THSD7A: variants seen among roughly 807,000 people sequenced by gnomAD.
The protein encoded by THSD7A is thrombospondin type-1 domain-containing protein 7A.
In THSD7A, 96 loss-of-function variants were observed where a neutral mutation model predicts 231.3. The observed-to-expected ratio is 0.41, with a 90% CI of 0.35 to 0.49. THSD7A has a LOEUF of 0.49. THSD7A is among the 20% of genes least tolerant of loss of function. The pLI, the probability that THSD7A is intolerant of heterozygous loss-of-function variation, is 0.05. For missense variants in THSD7A, 2,290 were observed against 2,070.2 expected, an observed-to-expected ratio of 1.11 and a Z score of -2.06; for synonymous variants, 940 against 743.3, an observed-to-expected ratio of 1.26 and a Z score of -4.30.
chr7:11,641,525 T>C (rs935157653), intron 1 of THSD7A, among the ~76,000 whole-genome samples: 2 of 152,114 alleles, frequency 1.3e-5, no homozygotes, highest in African/African-American at 4.8e-5. Flanking sequence ...CCAATTCCCA[T>C]TTCAATAATA....
chr7:11,680,853 G>A (rs1317668030), intron 1 of THSD7A, among the ~76,000 whole-genome samples: 1 of 151,860 alleles, frequency 6.6e-6, no homozygotes, highest in African/African-American at 2.4e-5. Context: ...ATCACCGAGT[G>A]TATACCTAAA....
intron 1 of THSD7A, among the ~76,000 whole-genome samples, chr7:11,669,989 GTGTT>G (rs1387327682): frequency 6.6e-6 from 1 of 151,970 alleles, no homozygotes; most frequent in Non-Finnish European, 1.5e-5. Context: ...GTGTGTGTGT[GTGTT>G]TATGTGCAAG....
At chr7:11,646,444 T>C (rs1256874135) in intron 1 of THSD7A, among the ~76,000 whole-genome samples, 1 of 152,070 alleles carries the variant, frequency 6.6e-6, no homozygotes, top group Non-Finnish European at 1.5e-5. Context: ...AGAGAATGGA[T>C]TGAAGGTAGC....
intron 6 of THSD7A, among the ~76,000 whole-genome samples, chr7:11,538,264 C>CT (rs144939671): frequency 1.3e-5 from 2 of 152,004 alleles, no homozygotes; most frequent in Non-Finnish European, 1.5e-5. Context: ...ACATAACTGA[C>CT]TTTTTTTTCG....
intron 13 of THSD7A, among the ~76,000 whole-genome samples, chr7:11,431,173 GTGT>G (rs1784466849): frequency 6.6e-6 from 1 of 152,098 alleles, no homozygotes; most frequent in African/African-American, 2.4e-5. Context: ...TAAAATTTTG[GTGT>G]TGTTTGAAGA....
At chr7:11,462,284 C>G (rs1338225927) in intron 9 of THSD7A, 141 bp from the exon 10 acceptor site, 1 of 796,968 alleles carries the variant, frequency 1.3e-6, no homozygotes, top group Non-Finnish European at 1.8e-6. Flanking sequence ...TCTAAACATT[C>G]ACTAAATTCT....
rs796971566 is a variant in THSD7A at position 11,647,465 on chromosome 7, C to T, written c.191-10504G>A. ...TCCAATCATGCAATCTGTTATTTTT[C>T]GACTTAAGCCTCTAATAGGCAATAC... On this transcript the variant is annotated intron_variant, in intron 1 of 27. Coordinates refer to ENST00000423059, the MANE Select transcript of THSD7A (RefSeq NM_015204.3). Among the ~76,000 whole-genome samples the T allele has an allele frequency of 4.7e-4, 72 of 152,086 alleles. 1 individual carries two copies. Among genetic ancestry groups the T allele is most frequent in the Admixed American group, 3.3e-3 (51 of 15,252 alleles).
chr7:11,743,137 T>C (rs2128161492), intron 1 of THSD7A, among the ~76,000 whole-genome samples: 1 of 152,056 alleles, frequency 6.6e-6, no homozygotes, highest in Middle Eastern at 3.4e-3. Context: ...TTACCTATTC[T>C]TTCTCATTAA....
chr7:11,758,801 T>C (rs1446003182), intron 1 of THSD7A, among the ~76,000 whole-genome samples: 1 of 152,088 alleles, frequency 6.6e-6, no homozygotes, highest in Non-Finnish European at 1.5e-5. Context: ...GTAAATATTT[T>C]AGGCTCTGTG....
rs183176614 is a variant in THSD7A, at chr7:11,663,898, C to T, written c.191-26937G>A. Among the ~76,000 whole-genome samples, 455 of 151,388 alleles carry T rather than the reference C, an allele frequency of 3.0e-3. 5 individuals are homozygous for T. Among genetic ancestry groups the T allele is most frequent in the Non-Finnish European group, 3.3e-3 (221 of 67,588 alleles). ...AAAGTGCTAATGGTAAATTTTTTGG[C>T]CTTGTAAGATACTGGATTTTAATTT... On this transcript the variant is annotated intron_variant, in intron 1 of 27. Coordinates refer to ENST00000423059, the MANE Select transcript of THSD7A (RefSeq NM_015204.3).
At chr7:11,559,415 G>A (rs1445530212) in intron 4 of THSD7A, among the ~76,000 whole-genome samples, 1 of 151,998 alleles carries the variant, frequency 6.6e-6, no homozygotes, top group Admixed American at 6.6e-5. Flanking sequence ...GGTTATAAGA[G>A]TAAAATATTC....
rs1783778668 is a variant in THSD7A, at chr7:11,411,332, A to G, written c.3683-10T>C. On this transcript the variant is annotated splice_polypyrimidine_tract_variant and intron_variant, in intron 18 of 27. Coordinates refer to ENST00000423059, the MANE Select transcript of THSD7A (RefSeq NM_015204.3). This position sits in a 1 kb window ranked among gnomAD's most constrained non-coding sequence, Gnocchi z 4.1. ...TGACATGTACTCCAGTCTGAAAAAAAGGGAAGCCCATCAGAACAGAAGGCT... is the reference window on the plus strand; with the variant it reads ...TGACATGTACTCCAGTCTGAAAAAAGGGGAAGCCCATCAGAACAGAAGGCT... The G allele has an allele frequency of 6.3e-7, 1 of 1,587,118 alleles. No homozygotes were observed.
At chr7:11,534,563 T>G (rs1788837229) in intron 6 of THSD7A, among the ~76,000 whole-genome samples, 1 of 152,154 alleles carries the variant, frequency 6.6e-6, no homozygotes, top group South Asian at 2.1e-4. Flanking sequence ...AGAGCTCAGG[T>G]GAAACCTTAG....
At chr7:11,469,814 A>G in intron 9 of THSD7A, 65 bp downstream of exon 9, 2 of 1,084,884 alleles carry the variant, frequency 1.8e-6, no homozygotes, top group Admixed American at 2.0e-5. Flanking sequence ...CTAGGCCAGA[A>G]GACCTCAGAA....
chr7:11,494,201 T>A (rs1787008752), intron 6 of THSD7A, among the ~76,000 whole-genome samples: 1 of 152,020 alleles, frequency 6.6e-6, no homozygotes, highest in Non-Finnish European at 1.5e-5. Flanking sequence ...CATATTGAGT[T>A]TTAAAAACAA....
intron 1 of THSD7A, among the ~76,000 whole-genome samples, chr7:11,666,860 A>G (rs1783155679): frequency 6.6e-6 from 1 of 152,044 alleles, no homozygotes; most frequent in South Asian, 2.1e-4. Context: ...AAGCATTTGA[A>G]ATTTTATTAC....
At chr7:11,533,694 A>C (rs1788797707) in intron 6 of THSD7A, among the ~76,000 whole-genome samples, 1 of 152,170 alleles carries the variant, frequency 6.6e-6, no homozygotes, top group Admixed American at 6.5e-5. Context: ...GAACAATGAG[A>C]ACACAGGGAC....
chr7:11,401,139 G>T (rs1471749478), intron 23 of THSD7A, among the ~76,000 whole-genome samples: 1 of 152,086 alleles, frequency 6.6e-6, no homozygotes, highest in Non-Finnish European at 1.5e-5. Context: ...ACACTTTGCT[G>T]TGGATTTGTA....
intron 1 of THSD7A, among the ~76,000 whole-genome samples, chr7:11,785,998 T>C (rs2128176212): frequency 6.6e-6 from 1 of 152,270 alleles, no homozygotes; most frequent in South Asian, 2.1e-4. Context: ...AACTGGTTTA[T>C]CCGTTATGGA....
Sources: gnomAD v4.1 joint callset for allele counts (sites outside exome capture counted in the v4.1 genomes callset) on GRCh38, gnomAD v4.1.1 for gene constraint, Gnocchi (gnomAD v3.1) non-coding constraint, MANE v1.5 for transcripts, NCBI Gene and HGNC (gene_info 2026-07-23, HGNC 2026-07-21) for gene names.